Variants in ZFAT observed in about 807,000 individuals in gnomAD.
ZFAT encodes zinc finger protein ZFAT.
A neutral mutation model predicts 117.7 loss-of-function variants in ZFAT; 64 were observed. That is an observed-to-expected ratio of 0.54 (90% CI 0.44 to 0.67). The LOEUF is 0.67. ZFAT is among the 30% of genes least tolerant of loss of function. The pLI is 0.00. For missense variants in ZFAT, 1,433 were observed against 1,584.5 expected, an observed-to-expected ratio of 0.90 and a Z score of 1.62; for synonymous variants, 679 against 615.0, an observed-to-expected ratio of 1.10 and a Z score of -1.54.
At chr8:134,555,833 CAT>C (rs930830222) in intron 11 of ZFAT, among the ~76,000 whole-genome samples, 31 of 150,898 alleles carry the variant, frequency 2.1e-4, no homozygotes, top group African/African-American at 4.9e-4. Flanking sequence ...AAATAAAAAA[CAT>C]GTGTGAACAG....
chr8:134,660,615 G>A (rs1192748007), intron 1 of ZFAT, among the ~76,000 whole-genome samples: 1 of 152,170 alleles, frequency 6.6e-6, no homozygotes, highest in Non-Finnish European at 1.5e-5. Flanking sequence ...ACATGTCACA[G>A]AACAATCTCA....
At chr8:134,712,743 G>GCCGGCGGCCGGCGT (rs1814065695) in intron 1 of ZFAT, 102 bp downstream of exon 1, 2 of 1,192,038 alleles carry the variant, frequency 1.7e-6, no homozygotes, top group Admixed American at 3.9e-5. Flanking sequence ...GCGGCCGGCG[G>GCCGGCGGCCGGCGT]CCGGCGCACT....
intron 3 of ZFAT, among the ~76,000 whole-genome samples, chr8:134,626,432 T>G (rs552244592): frequency 1.3e-5 from 2 of 152,232 alleles, no homozygotes; most frequent in Non-Finnish European, 2.9e-5. Flanking sequence ...CCTCAGCTTC[T>G]TCATCTAAAA....
intron 4 of ZFAT, among the ~76,000 whole-genome samples, chr8:134,609,196 A>T (rs868086879): frequency 2.0e-5 from 3 of 152,086 alleles, no homozygotes; most frequent in South Asian, 2.1e-4. Flanking sequence ...ATACATATAC[A>T]TATATATGTT....
intron 4 of ZFAT, among the ~76,000 whole-genome samples, chr8:134,610,254 C>T (rs1402190332): frequency 6.6e-6 from 1 of 152,206 alleles, no homozygotes; most frequent in Non-Finnish European, 1.5e-5. Context: ...GCAAGAGCAG[C>T]GGCCCTCACA....
intron 3 of ZFAT, among the ~76,000 whole-genome samples, chr8:134,621,829 G>A (rs969548244): frequency 6.6e-6 from 1 of 152,172 alleles, no homozygotes; most frequent in Admixed American, 6.5e-5. Context: ...ACTGAATTAA[G>A]AGGTACAGTG....
Position 134,665,016 on chromosome 8 carries a change from TC to T in ZFAT, c.20-7280del, listed in dbSNP as rs779925247. Among the ~76,000 whole-genome samples the T allele has an allele frequency of 7.9e-3, 1,197 of 152,326 alleles. 14 individuals are homozygous for T. Among genetic ancestry groups the T allele is most frequent in the African/African-American group, 0.026 (1,086 of 41,570 alleles). On this transcript the variant is annotated intron_variant, in intron 1 of 15. Transcript: ENST00000377838. ...ATCCTAAAATAACTGTACTAATAAG[TC>T]CTCATTTCTGATCTCTGATTTGTAA...
chr8:134,759,092 G>T, the ZFAT span, among the ~76,000 whole-genome samples: 14 of 152,180 alleles, frequency 9.2e-5, no homozygotes, highest in African/African-American at 3.4e-4. Flanking sequence ...TTAGGGAAAG[G>T]TATAAATTTT....
upstream of ZFAT, among the ~76,000 whole-genome samples, chr8:134,714,098 C>T (rs1234435977): frequency 2.3e-5 from 3 of 131,788 alleles, no homozygotes. Context: ...GTACATGCTG[C>T]AAAGACATGC....
chr8:134,540,503 C>T (rs542033330), intron 11 of ZFAT, among the ~76,000 whole-genome samples: 10 of 152,346 alleles, frequency 6.6e-5, no homozygotes, highest in Admixed American at 3.3e-4. Flanking sequence ...CTCTTCTCTT[C>T]ATGTAGCCCG....
intron 11 of ZFAT, among the ~76,000 whole-genome samples, chr8:134,560,446 A>G (rs1386489651): frequency 6.6e-6 from 1 of 152,220 alleles, no homozygotes; most frequent in Non-Finnish European, 1.5e-5. Flanking sequence ...GAAAAGATAA[A>G]ATTTTATTTT....
intron 13 of ZFAT, among the ~76,000 whole-genome samples, chr8:134,513,048 G>A (rs1819973993): frequency 6.6e-6 from 1 of 152,132 alleles, no homozygotes; most frequent in Non-Finnish European, 1.5e-5. Context: ...ACGGTGGAAG[G>A]GGTAGGGTGG....
In ZFAT at chr8:134,657,666, C is replaced by T. The variant is rs193274691; in HGVS notation, c.91G>A (p.Val31Ile). 150 of 1,613,894 alleles carry T rather than the reference C, an allele frequency of 9.3e-5. 1 individual carries two copies. In the East Asian group the frequency reaches 2.6e-3, roughly 28 times the overall value. Residue 31 changes from valine to isoleucine, a missense_variant, in exon 2 of 16, where the codon GTT becomes ATT. By Grantham distance (29) the Val-to-Ile change is conservative. This residue lies in a region of ZFAT where 436 missense variants were observed against 482.0 expected (regional missense o/e 0.90). Transcript: ENST00000377838. ...CCTTCTTCCATGTGCTTCTCTGAAACGTGGGAGAGGAGTTCCGACTGATTT... is the reference window on the plus strand; with the variant it reads ...CCTTCTTCCATGTGCTTCTCTGAAATGTGGGAGAGGAGTTCCGACTGATTT... ...SPNQSELLSH[V>I]SEKHMEEGVN...
chr8:134,601,956 T>A lies in ZFAT; in HGVS notation c.1763A>T (p.His588Leu). 5.0e-6 allele frequency: 8 copies of A among 1,614,040 alleles called. No homozygotes were observed. Among genetic ancestry groups the A allele is most frequent in the Non-Finnish European group, 6.8e-6 (8 of 1,180,024 alleles). ...ATCATCTGAAACCACCTCTTGAGAATGCAGGTCTGAGGAGGAGACCACGGT... is the reference window on the plus strand; with the variant it reads ...ATCATCTGAAACCACCTCTTGAGAAAGCAGGTCTGAGGAGGAGACCACGGT... ...ETTVVSSSDL[H>L]SQEVVSDDFL... Residue 588 changes from histidine to leucine, a missense_variant, in exon 6 of 16, where the codon CAT becomes CTT. This residue lies in a region of ZFAT where 372 missense variants were observed against 355.6 expected (regional missense o/e 1.05). Transcript: ENST00000377838.
rs894040168 is a variant in ZFAT, at chr8:134,550,152, T to C, written c.2976+15181A>G. Among the ~76,000 whole-genome samples the C allele has an allele frequency of 2.6e-5, 4 of 152,244 alleles. No individual in the cohort carries two copies. The East Asian group carries it at 7.7e-4, about 29-fold the overall frequency. On this transcript the variant is annotated intron_variant, in intron 11 of 15. Transcript: ENST00000377838. ...CACACTCTGGTCTATAATCCAAGTC[T>C]TCCTGAAAGTGGAGAGGCTCAAGGC... is the stretch of plus-strand genomic sequence containing the variant.
chr8:134,549,069 G>A (rs1050816734), intron 11 of ZFAT, among the ~76,000 whole-genome samples: 2 of 152,104 alleles, frequency 1.3e-5, no homozygotes, highest in African/African-American at 2.4e-5. Context: ...ATCTACCCAG[G>A]GTCACCCAGT....
intron 10 of ZFAT, among the ~76,000 whole-genome samples, chr8:134,571,283 G>T (rs1275666375): frequency 1.3e-5 from 2 of 152,268 alleles, no homozygotes; most frequent in African/African-American, 4.8e-5. Context: ...TGTCAGGGAA[G>T]GCCTCTGTGA....
intron 1 of ZFAT, among the ~76,000 whole-genome samples, chr8:134,680,717 G>T (rs1375218699): frequency 6.6e-6 from 1 of 151,790 alleles, no homozygotes; most frequent in Admixed American, 6.6e-5. Flanking sequence ...ATTAGGTTGG[G>T]ATAATAAAAA....
chr8:134,766,920 G>A, the ZFAT span: 1 of 152,332 alleles, frequency 6.6e-6, no homozygotes, highest in Non-Finnish European at 1.5e-5. Flanking sequence ...ACGCTCAACT[G>A]CTTAGCCAAA....
Sources: gnomAD v4.1 joint callset for allele counts (sites outside exome capture counted in the v4.1 genomes callset) on GRCh38, gnomAD v4.1.1 for gene constraint, gnomAD v4.1.1 regional missense constraint, MANE v1.5 for transcripts, NCBI Gene and HGNC (gene_info 2026-07-23, HGNC 2026-07-21) for gene names.